The following CCNH variants were observed in gnomAD, a reference collection of about 807,000 sequenced individuals.
CCNH encodes cyclin H, also known as cyclin-H.
A neutral mutation model predicts 41.9 loss-of-function variants in CCNH; 31 were observed. That is an observed-to-expected ratio of 0.74 (90% CI 0.56 to 1.00). The LOEUF (loss-of-function observed/expected upper bound fraction) is 1.00, where lower values mean the gene tolerates loss of function less well. Ranked by LOEUF, CCNH falls within the 50% of genes least tolerant of loss-of-function variation. The pLI, the probability that CCNH is intolerant of heterozygous loss-of-function variation, is 0.00. For synonymous variants in CCNH, 138 were observed against 136.1 expected (o/e 1.01, Z -0.10); for missense variants, 362 against 388.4 (o/e 0.93, Z 0.57).
chr5:87,332,452 T>A, intron 9 of CCNH: 2 of 1,523,880 alleles, frequency 1.3e-6, no homozygotes, highest in Non-Finnish European at 1.8e-6. Flanking sequence ...AAAACTTGAT[T>A]TTTAAAATTG....
chr5:87,373,760 C>T (rs1761119197), downstream of CCNH, among the ~76,000 whole-genome samples: 1 of 152,118 alleles, frequency 6.6e-6, no homozygotes, highest in African/African-American at 2.4e-5. Context: ...GAAATAGAAT[C>T]TTCCAGATAA....
intron 9 of CCNH, among the ~76,000 whole-genome samples, chr5:87,371,140 A>C (rs902629708): frequency 1.7e-4 from 26 of 152,146 alleles, no homozygotes; most frequent in Admixed American, 1.7e-3. Context: ...ACATACCATA[A>C]TGACATTTCA....
intron 9 of CCNH, chr5:87,331,266 T>C (rs754529412): frequency 7.2e-7 from 1 of 1,386,236 alleles, no homozygotes. Flanking sequence ...ATTTAAAACC[T>C]CTAGTAGTAT....
intron 9 of CCNH, among the ~76,000 whole-genome samples, chr5:87,340,243 G>A (rs911184888): frequency 1.3e-5 from 2 of 152,038 alleles, no homozygotes; most frequent in African/African-American, 4.8e-5. Flanking sequence ...TTTCACAGAG[G>A]ATTTATGCCT....
chr5:87,320,885 G>A (rs1024738133), intron 9 of CCNH, among the ~76,000 whole-genome samples: 34 of 152,256 alleles, frequency 2.2e-4, no homozygotes, highest in Admixed American at 1.9e-3. Context: ...AGTATTTGTA[G>A]AGTTACACAT....
Position 87,401,691 on chromosome 5 carries a change from CTT to C in CCNH, c.760+9_760+10del. The stretch of plus-strand genomic sequence containing the variant: ...GAAGAAACATTTTGTAAAGTGTTCT[CTT>C]TTACTTACTTTTCATTATATCTAGT... On this transcript the variant is annotated intron_variant, in intron 6 of 8. Coordinates refer to ENST00000256897, the MANE Select transcript of CCNH (RefSeq NM_001239.4). The C allele has an allele frequency of 6.5e-7, 1 of 1,530,844 alleles. No homozygotes were observed. 94.8% of individuals were successfully genotyped at this position (1,530,844 alleles called of 1,614,324 possible). A position where few individuals can be genotyped will look rare whatever the true frequency, so the allele number is the denominator to read the frequency against.
At chr5:87,381,147 A>G (rs549454268), upstream of CCNH, among the ~76,000 whole-genome samples, 2 of 152,270 alleles carry the variant, frequency 1.3e-5, no homozygotes, top group African/African-American at 2.4e-5. Flanking sequence ...GCTTTGGCAA[A>G]TCATGGAATT....
chr5:87,335,002 T>C (rs934714969), intron 9 of CCNH, among the ~76,000 whole-genome samples: 4 of 152,052 alleles, frequency 2.6e-5, no homozygotes, highest in Non-Finnish European at 5.9e-5. Context: ...TTTGCCTCGG[T>C]CTTCTGAGCA....
intron 9 of CCNH, among the ~76,000 whole-genome samples, chr5:87,356,962 C>T (rs1255917296): frequency 6.6e-6 from 1 of 152,084 alleles, no homozygotes; most frequent in South Asian, 2.1e-4. Flanking sequence ...GTGCTTAGAA[C>T]AGTACCTGAC....
chr5:87,394,739 T>A (rs1050437634), intron 8 of CCNH: 40 of 1,322,476 alleles, frequency 3.0e-5, no homozygotes, highest in East Asian at 5.7e-5. Context: ...AGATAGAAAA[T>A]TTTTTTTAAA....
Position 87,408,116 on chromosome 5 carries a change from G to C in CCNH, c.385C>G (p.Leu129Val), listed in dbSNP as rs1002033239. ...TCCTGTCCAAGAGGACTCTCCCGGA[G>C]GTTTCCAACAAACTGAGGACTAGAT... ...NVSSPQFVGN[L>V]RESPLGQEKA... The change falls in exon 4 of 9, where the codon CTC becomes GTC. Residue 129 changes from leucine to valine, a missense_variant. By Grantham distance (32) the Leu-to-Val change is conservative. Coordinates refer to ENST00000256897, the MANE Select transcript of CCNH (RefSeq NM_001239.4). 6.2e-7 allele frequency: 1 copy of C among 1,613,482 alleles called. No individual in the cohort carries two copies. Among genetic ancestry groups the C allele is most frequent in the Non-Finnish European group, 8.5e-7 (1 of 1,179,702 alleles).
chr5:87,367,804 G>T (rs913828420), intron 9 of CCNH, among the ~76,000 whole-genome samples: 29 of 152,030 alleles, frequency 1.9e-4, no homozygotes, highest in African/African-American at 6.8e-4. Flanking sequence ...TTTAAAGATG[G>T]TTTTCTGCCT....
At chr5:87,411,017 C>T (rs962918825) in intron 2 of CCNH, among the ~76,000 whole-genome samples, 5 of 151,990 alleles carry the variant, frequency 3.3e-5, no homozygotes, top group African/African-American at 1.2e-4. Context: ...TTTTTTCTGA[C>T]CACAAAGTGA....
At chr5:87,365,906 C>T (rs1220897465) in intron 9 of CCNH, among the ~76,000 whole-genome samples, 1 of 151,886 alleles carries the variant, frequency 6.6e-6, no homozygotes, top group Non-Finnish European at 1.5e-5. Context: ...ACCTGAATTC[C>T]ATATTAAATA....
chr5:87,395,196 T>C, intron 7 of CCNH, 92 bp from the exon 8 acceptor site: 2 of 1,013,678 alleles, frequency 2.0e-6, no homozygotes, highest in East Asian at 2.5e-5. Flanking sequence ...GGCAATATCA[T>C]GTATCTACTG....
At chr5:87,376,631 G>A in exon 1 of CCNH, 1 of 1,543,378 alleles carries the variant, frequency 6.5e-7, no homozygotes, top group Non-Finnish European at 8.9e-7. Context: ...TTTAATAAAA[G>A]ATCCATTAAG....
At chr5:87,345,734 C>T (rs975457921) in intron 9 of CCNH, among the ~76,000 whole-genome samples, 2 of 152,124 alleles carry the variant, frequency 1.3e-5, no homozygotes, top group Non-Finnish European at 2.9e-5. Context: ...ACCTCTGAAC[C>T]TGTCACACTG....
At chr5:87,318,863 A>C (rs184137046) in exon 10 of CCNH, 1 of 152,402 alleles carries the variant, frequency 6.6e-6, no homozygotes, top group African/African-American at 2.4e-5. Flanking sequence ...CCAAAGTCTT[A>C]TCTGAGACAA....
intron 9 of CCNH, among the ~76,000 whole-genome samples, chr5:87,322,768 C>T (rs551517401): frequency 2.9e-4 from 44 of 152,192 alleles, no homozygotes; most frequent in African/African-American, 1.0e-3. Context: ...GAACTGTGGA[C>T]GAAAACCTAT....
Sources: gnomAD v4.1 joint callset for allele counts (sites outside exome capture counted in the v4.1 genomes callset) on GRCh38, gnomAD v4.1.1 for gene constraint, MANE v1.5 for transcripts, NCBI Gene and HGNC (gene_info 2026-07-23, HGNC 2026-07-21) for gene names.